The following CDH5 variants were observed in gnomAD, a reference collection of about 807,000 sequenced individuals.
CDH5 encodes cadherin-5.
In CDH5, 28 loss-of-function variants were observed where a neutral mutation model predicts 62.0. That is an observed-to-expected ratio of 0.45 (90% CI 0.33 to 0.62). The LOEUF (loss-of-function observed/expected upper bound fraction) is 0.62. Ranked by LOEUF, CDH5 falls within the 20% of genes least tolerant of loss-of-function variation. The pLI is 0.02. For missense variants in CDH5, 940 were observed against 1,065.1 expected (o/e 0.88, Z 1.63); for synonymous variants, 464 against 445.8 (o/e 1.04, Z -0.52).
At chr16:66,382,107 C>G (rs536810592) in intron 2 of CDH5, among the ~76,000 whole-genome samples, 5 of 152,328 alleles carry the variant, frequency 3.3e-5, no homozygotes, top group Admixed American at 3.3e-4. Flanking sequence ...TAGGGCCATC[C>G]CATGCTCAGA....
At position 66,372,519 on chromosome 16, in the gene CDH5, G is replaced by C. The variant is rs541457292; in HGVS notation, c.-20+5761G>C. Among the ~76,000 whole-genome samples, 7 of 152,310 alleles carry C rather than the reference G, an allele frequency of 4.6e-5. No individual in the cohort carries two copies. The South Asian group carries it at 1.4e-3, about 32-fold the overall frequency. ...CGGAGCTATGCCTGGAGGCTCACCAGGCACCTGCAGACCCAGACAGGCAGC... is the reference window on the plus strand; with the variant it reads ...CGGAGCTATGCCTGGAGGCTCACCACGCACCTGCAGACCCAGACAGGCAGC... On this transcript the variant is annotated intron_variant, in intron 1 of 11. Transcript: ENST00000341529.
At chr16:66,376,500 G>C (rs1960789895) in intron 1 of CDH5, 1 of 152,210 alleles carries the variant, frequency 6.6e-6, no homozygotes, top group South Asian at 2.1e-4. Flanking sequence ...CGAACCCTGG[G>C]AGGCCAATTG....
chr16:66,380,654 G>A (rs373558383), intron 2 of CDH5, among the ~76,000 whole-genome samples: 39 of 151,854 alleles, frequency 2.6e-4, no homozygotes, highest in African/African-American at 7.7e-4. Context: ...AATGTTGATG[G>A]TGGTGATGAT....
chr16:66,373,140 G>C (rs1433531788), intron 1 of CDH5, among the ~76,000 whole-genome samples: 1 of 152,134 alleles, frequency 6.6e-6, no homozygotes, highest in Non-Finnish European at 1.5e-5. Flanking sequence ...TGAATGTCTG[G>C]GGTGCCCCAA....
chr16:66,385,233 A>T (rs374764237), intron 2 of CDH5, among the ~76,000 whole-genome samples: 8 of 152,188 alleles, frequency 5.3e-5, no homozygotes, highest in African/African-American at 1.2e-4. Context: ...TGTTTCTATG[A>T]TTCTTTAAAT....
At chr16:66,381,453 A>G (rs1960896924) in intron 2 of CDH5, among the ~76,000 whole-genome samples, 1 of 152,242 alleles carries the variant, frequency 6.6e-6, no homozygotes, top group Non-Finnish European at 1.5e-5. Context: ...GAATGGCCCT[A>G]GTAGTGGAAT....
chr16:66,390,289 A>ATTATT, intron 5 of CDH5, 114 bp from the exon 6 acceptor site: 1 of 771,164 alleles, frequency 1.3e-6, no homozygotes, highest in South Asian at 2.3e-5. Flanking sequence ...ATTATTTATG[A>ATTATT]TTATTTTATT....
Position 66,402,914 on chromosome 16 carries a change from A to G in CDH5, c.2100A>G (p.Gly700=), listed in dbSNP as rs1961318089. ...KPPRHAPGAH[G]GPGEMAAMIE... ...CGAGGCACGCGCCTGGGGCACACGG[A>G]GGGCCCGGGGAGATGGCAGCCATGA... The change falls in exon 12 of 12, where the codon GGA becomes GGG. Residue 700 remains glycine, a synonymous_variant. Coordinates refer to ENST00000341529, the MANE Select transcript of CDH5 (RefSeq NM_001795.5). 1 of 1,611,568 alleles carries G rather than the reference A, an allele frequency of 6.2e-7. No homozygotes were observed. Among genetic ancestry groups the G allele is most frequent in the South Asian group, 1.1e-5 (1 of 90,984 alleles).
chr16:66,367,491 C>A (rs570844116), intron 1 of CDH5, among the ~76,000 whole-genome samples: 1 of 152,308 alleles, frequency 6.6e-6, no homozygotes, highest in East Asian at 1.9e-4. Flanking sequence ...CCCCACAGCC[C>A]AGGAAGTCCC....
chr16:66,396,438 C>T (rs1204083619), intron 8 of CDH5, among the ~76,000 whole-genome samples: 3 of 152,230 alleles, frequency 2.0e-5, no homozygotes, highest in African/African-American at 4.8e-5. Flanking sequence ...GAATCGGAAT[C>T]TCATGCATGT....
In CDH5 at chr16:66,398,035, G is replaced by C. The variant is rs1961216816; in HGVS notation, c.1414G>C (p.Glu472Gln). The C allele has an allele frequency of 4.3e-6, 7 of 1,614,192 alleles. No homozygotes were observed. Among genetic ancestry groups the C allele is most frequent in the Middle Eastern group, 1.6e-4 (1 of 6,062 alleles). Residue 472 changes from glutamate to glutamine, a missense_variant, in exon 9 of 12, where the codon GAG becomes CAG. By Grantham distance (29) the Glu-to-Gln change is conservative. Coordinates refer to ENST00000341529, the MANE Select transcript of CDH5 (RefSeq NM_001795.5). ...GCAAGTCCACATTGAAGTTTTGGATGAGAATGACAATGCCCCGGAGTTTGC... is the reference window on the plus strand; with the variant it reads ...GCAAGTCCACATTGAAGTTTTGGATCAGAATGACAATGCCCCGGAGTTTGC... ...IVQVHIEVLDENDNAPEFAKP... is the reference protein window; with the variant it reads ...IVQVHIEVLDQNDNAPEFAKP...
Position 66,387,055 on chromosome 16 carries a change from C to T in CDH5, c.457C>T (p.His153Tyr), listed in dbSNP as rs770935129. The change falls in exon 3 of 12, where the codon CAT (histidine) becomes TAT (tyrosine). Residue 153 changes from histidine to tyrosine, a missense_variant. Physicochemically the swap from His to Tyr is moderately conservative, Grantham distance 83. Coordinates refer to ENST00000341529, the MANE Select transcript of CDH5 (RefSeq NM_001795.5). Reference sequence around the variant, plus strand: ...GAACGACAACTGGCCTGTGTTCACGCATCGGTTGTTCAATGCGTCCGTGCC... The same window carrying T: ...GAACGACAACTGGCCTGTGTTCACGTATCGGTTGTTCAATGCGTCCGTGCC... The part of the protein sequence containing the change: ...DVNDNWPVFT[H>Y]RLFNASVPES... 4.3e-6 allele frequency: 7 copies of T among 1,614,126 alleles called. No homozygotes were observed. The highest frequency in any genetic ancestry group is 2.2e-5 in the South Asian group (2 of 91,068).
At chr16:66,383,971 C>A (rs1489544296) in intron 2 of CDH5, among the ~76,000 whole-genome samples, 7 of 152,090 alleles carry the variant, frequency 4.6e-5, no homozygotes, top group Non-Finnish European at 7.4e-5. Flanking sequence ...TGCTGCTAAA[C>A]CCTGGGGACA....
chr16:66,403,681 G>A lies in CDH5; in HGVS notation c.*512G>A, dbSNP rs367886036. The A allele has an allele frequency of 1.1e-3, 181 of 164,058 alleles. 3 individuals are homozygous for A. Among genetic ancestry groups the A allele is most frequent in the South Asian group, 8.4e-3 (51 of 6,060 alleles). The allele number at this position is 164,058 out of a possible 1,614,324, so 10.2% of individuals were successfully genotyped here. On this transcript the variant is annotated 3_prime_UTR_variant, in exon 12 of 12. Coordinates refer to ENST00000341529, the MANE Select transcript of CDH5 (RefSeq NM_001795.5). The surrounding 1 kb of genome is among the most constrained non-coding windows in gnomAD (Gnocchi z 4.3). ...ATCATGCCCTCTCTCGGGAGCCCTA[G>A]CCCTGCTCCAACTCCATACTCCACT...
rs1960996142 is a variant in CDH5, at chr16:66,386,974, G to A, written c.376G>A (p.Asp126Asn). ...CCTCACTGCTGTCATTGTGGACAAG[G>A]ACACTGGCGAAAACCTGGAGACTCC... ...YHLTAVIVDK[D>N]TGENLETPSS... is the part of the protein sequence containing the mutation. Residue 126 changes from aspartate (D) to asparagine (N), a missense_variant, in exon 3 of 12, where the codon GAC (aspartate) becomes AAC (asparagine). Physicochemically the swap from Asp to Asn is conservative, Grantham distance 23 (BLOSUM62 1). Coordinates refer to ENST00000341529, the MANE Select transcript of CDH5 (RefSeq NM_001795.5). The A allele has an allele frequency of 6.2e-7, 1 of 1,614,086 alleles. No homozygotes were observed. Among genetic ancestry groups the A allele is most frequent in the African/African-American group, 1.3e-5 (1 of 74,920 alleles).
intron 8 of CDH5, 121 bp from the exon 9 acceptor site, chr16:66,397,861 G>A: frequency 8.9e-7 from 1 of 1,123,182 alleles, no homozygotes; most frequent in Non-Finnish European, 1.3e-6. Flanking sequence ...CTGGGCCTCT[G>A]TTCCACAGCC....
At chr16:66,367,835 C>T (rs1960614937) in intron 1 of CDH5, among the ~76,000 whole-genome samples, 1 of 152,158 alleles carries the variant, frequency 6.6e-6, no homozygotes, top group Admixed American at 6.5e-5. Flanking sequence ...ACAGTGTTTC[C>T]TCAGTCAATT....
intron 2 of CDH5, among the ~76,000 whole-genome samples, chr16:66,381,390 C>T (rs1960895825): frequency 1.3e-5 from 2 of 152,198 alleles, no homozygotes; most frequent in Admixed American, 1.3e-4. Context: ...TGCTGAATTG[C>T]CTTACCATGT....
chr16:66,400,669 G>A (rs1003236736), intron 10 of CDH5, 102 bp from the exon 11 acceptor site: 11 of 1,402,998 alleles, frequency 7.8e-6, no homozygotes, highest in East Asian at 6.8e-5. Context: ...GCAGCCCAGG[G>A]AGCACGCAGG....
Sources: gnomAD v4.1 joint callset for allele counts (sites outside exome capture counted in the v4.1 genomes callset) on GRCh38, gnomAD v4.1.1 for gene constraint, Gnocchi (gnomAD v3.1) non-coding constraint, MANE v1.5 for transcripts, NCBI Gene and HGNC (gene_info 2026-07-23, HGNC 2026-07-21) for gene names.